ATAD3A: variants seen among roughly 807,000 people sequenced by gnomAD.
The protein encoded by ATAD3A is ATPase family AAA domain-containing protein 3A.
In ATAD3A, 46 loss-of-function variants were observed where a neutral mutation model predicts 73.8. That is an observed-to-expected ratio of 0.62 (90% CI 0.49 to 0.80). The LOEUF (loss-of-function observed/expected upper bound fraction) is 0.80, where lower values mean the gene tolerates loss of function less well. ATAD3A is among the 30% of genes least tolerant of loss of function. The probability of loss-of-function intolerance (pLI) is 0.00; values close to 1 mark genes in which losing one functional copy is unlikely to be tolerated. For synonymous variants in ATAD3A, 319 were observed against 350.0 expected, an observed-to-expected ratio of 0.91 and a Z score of 0.99; for missense variants, 705 against 838.0, an observed-to-expected ratio of 0.84 and a Z score of 1.96.
At chr1:1,522,570 G>C (rs554108011) in intron 7 of ATAD3A, among the ~76,000 whole-genome samples, 174 bp from the exon 8 acceptor site, 2 of 152,346 alleles carry the variant, frequency 1.3e-5, no homozygotes, top group East Asian at 3.9e-4. Flanking sequence ...CCTGCCTCCT[G>C]TAACCGCGTG....
At chr1:1,513,250 C>T (rs991844438) in intron 1 of ATAD3A, among the ~76,000 whole-genome samples, 1 of 152,044 alleles carries the variant, frequency 6.6e-6, no homozygotes, top group Admixed American at 6.6e-5. Context: ...TTTCTTGCTG[C>T]AGGCTTATTT....
At position 1,520,026 on chromosome 1, in the gene ATAD3A, G is replaced by A; in HGVS notation, c.515-115G>A. The A allele has an allele frequency of 6.8e-7, 1 of 1,475,106 alleles. No homozygotes were observed. The highest frequency in any genetic ancestry group is 9.1e-7 in the Non-Finnish European group (1 of 1,101,638). 91.4% of individuals were successfully genotyped at this position (1,475,106 alleles called of 1,614,324 possible). A position where few individuals can be genotyped will look rare whatever the true frequency, so the allele number is the denominator to read the frequency against. ...CGGTCCGTGGCATGGGCCTGTCTGT[G>A]GCGTTGGTCTGTCCGTGGCGTGGGC... On this transcript the variant is annotated intron_variant, in intron 5 of 15. Coordinates refer to ENST00000378756, the MANE Select transcript of ATAD3A (RefSeq NM_001170535.3). This position sits in a 1 kb window ranked among gnomAD's most constrained non-coding sequence, Gnocchi z 4.0.
intron 4 of ATAD3A, among the ~76,000 whole-genome samples, chr1:1,518,150 C>T (rs965413044): frequency 2.0e-5 from 3 of 150,472 alleles, no homozygotes; most frequent in Non-Finnish European, 3.0e-5. Context: ...CGCAAACATA[C>T]CCCCACACAA....
At chr1:1,526,337 G>C (rs1235220231) in intron 12 of ATAD3A, 124 bp from the exon 13 acceptor site, 42 of 1,553,876 alleles carry the variant, frequency 2.7e-5, no homozygotes, top group Middle Eastern at 2.2e-4. Context: ...GCTTTTGAGA[G>C]TAGATCCATG....
In ATAD3A at chr1:1,520,009, G is replaced by A; in HGVS notation, c.515-132G>A. The A allele has an allele frequency of 7.3e-7, 1 of 1,365,732 alleles. No homozygotes were observed. 84.6% of individuals were successfully genotyped at this position (1,365,732 alleles called of 1,614,324 possible). A position where few individuals can be genotyped will look rare whatever the true frequency, so the allele number is the denominator to read the frequency against. On this transcript the variant is annotated intron_variant, in intron 5 of 15. Transcript: ENST00000378756. This position sits in a 1 kb window ranked among gnomAD's most constrained non-coding sequence, Gnocchi z 4.0. ...CTGTCCATGGCGTGGGCCGGTCCGT[G>A]GCATGGGCCTGTCTGTGGCGTTGGT...
rs572217990 is a variant in ATAD3A at position 1,515,257 on chromosome 1, A to T, written c.206-755A>T. 5.4e-3 allele frequency among the ~76,000 whole-genome samples: 822 copies of T among 152,150 alleles called. 9 individuals carry two copies. Among genetic ancestry groups the T allele is most frequent in the Non-Finnish European group, 8.1e-3 (549 of 67,996 alleles). On this transcript the variant is annotated intron_variant, in intron 1 of 15. Transcript: ENST00000378756. ...GCGCCCAGCTAATTTTTGTATATTTAGTAGAGATGGGGTTTCACCACATTG... is the reference window on the plus strand; with the variant it reads ...GCGCCCAGCTAATTTTTGTATATTTTGTAGAGATGGGGTTTCACCACATTG...
intron 15 of ATAD3A, among the ~76,000 whole-genome samples, chr1:1,533,279 C>T (rs983322351): frequency 3.3e-5 from 5 of 152,210 alleles, no homozygotes; most frequent in Admixed American, 6.5e-5. Flanking sequence ...CCCTGACCCA[C>T]GGGTGCCTCC....
In ATAD3A at chr1:1,525,300, C is replaced by T. The variant is rs2100671525; in HGVS notation, c.1266+9C>T. 6.2e-7 allele frequency: 1 copy of T among 1,612,538 alleles called. No homozygotes were observed. Among genetic ancestry groups the T allele is most frequent in the South Asian group, 1.1e-5 (1 of 91,062 alleles). On this transcript the variant is annotated intron_variant, in intron 12 of 15. Coordinates refer to ENST00000378756, the MANE Select transcript of ATAD3A (RefSeq NM_001170535.3). ...TTCGGAAGCGAGCCACCGTGAGTGT[C>T]ACTAAGCCTCTGGCCACAATGGGGT...
In ATAD3A at chr1:1,520,814, C is replaced by A. The variant is rs938359757; in HGVS notation, c.750+197C>A. ...GGGAGAAGAAAACGCAGTTGCCAGC[C>A]TGGGCCACACAGTGAGACCCCATCT... On this transcript the variant is annotated intron_variant, in intron 7 of 15. Coordinates refer to ENST00000378756, the MANE Select transcript of ATAD3A (RefSeq NM_001170535.3). The surrounding 1 kb of genome is among the most constrained non-coding windows in gnomAD (Gnocchi z 4.0). 2.0e-5 allele frequency among the ~76,000 whole-genome samples: 3 copies of A among 152,194 alleles called. No homozygotes were observed. The highest frequency in any genetic ancestry group is 2.4e-5 in the African/African-American group (1 of 41,450).
intron 7 of ATAD3A, among the ~76,000 whole-genome samples, chr1:1,521,962 T>C (rs1352363394): frequency 2.6e-5 from 4 of 152,192 alleles, no homozygotes; most frequent in East Asian, 1.9e-4. Context: ...CTTCTGACCT[T>C]AAGTGATCCA....
rs577672814 is a variant in ATAD3A, at chr1:1,534,078, C to G, written c.*6C>G. The G allele has an allele frequency of 6.2e-7, 1 of 1,613,324 alleles. No homozygotes were observed. Among genetic ancestry groups the G allele is most frequent in the South Asian group, 1.1e-5 (1 of 91,064 alleles). ...ACGAGCCCTCCCCATCCTGAGTCCA[C>G]AGGGAGATCCACAGCTCACGGAGCC... is the stretch of plus-strand genomic sequence containing the variant. On this transcript the variant is annotated 3_prime_UTR_variant, in exon 16 of 16. Coordinates refer to ENST00000378756, the MANE Select transcript of ATAD3A (RefSeq NM_001170535.3).
At chr1:1,513,562 A>G (rs1570315498) in intron 1 of ATAD3A, among the ~76,000 whole-genome samples, 4 of 152,094 alleles carry the variant, frequency 2.6e-5, no homozygotes, top group African/African-American at 9.6e-5. Flanking sequence ...CTCCAGGTGC[A>G]CCGTGGGGAG....
Position 1,523,797 on chromosome 1 carries a change from G to T in ATAD3A, c.964-42G>T. ...CAGCCCCTTCCCCTGAGGCTTCCAT[G>T]GGTGCACAGTGTCTCCTCCAAACCC... On this transcript the variant is annotated intron_variant, in intron 9 of 15. Coordinates refer to ENST00000378756, the MANE Select transcript of ATAD3A (RefSeq NM_001170535.3). The surrounding 1 kb of genome is among the most constrained non-coding windows in gnomAD (Gnocchi z 5.1). The T allele has an allele frequency of 6.2e-7, 1 of 1,613,236 alleles. No individual in the cohort carries two copies. Among genetic ancestry groups the T allele is most frequent in the Non-Finnish European group, 8.5e-7 (1 of 1,179,748 alleles).
At chr1:1,530,626 G>A (rs1247727195) in intron 15 of ATAD3A, among the ~76,000 whole-genome samples, 7 of 124,808 alleles carry the variant, frequency 5.6e-5, no homozygotes, top group Admixed American at 1.5e-4. Flanking sequence ...TCAGGAGATC[G>A]AGACCATCCC....
chr1:1,523,330 C>T lies in ATAD3A; in HGVS notation c.907-181C>T, dbSNP rs1458277852. ...AGCCAATAAGGAACCGGAAAATGCC[C>T]CTAATCCCAGCAATAGCCGCCTGGT... is the stretch of plus-strand genomic sequence containing the variant. On this transcript the variant is annotated intron_variant, in intron 8 of 15. Coordinates refer to ENST00000378756, the MANE Select transcript of ATAD3A (RefSeq NM_001170535.3). The surrounding 1 kb of genome is among the most constrained non-coding windows in gnomAD (Gnocchi z 5.1). Among the ~76,000 whole-genome samples, 2 of 152,174 alleles carry T rather than the reference C, an allele frequency of 1.3e-5. No individual in the cohort carries two copies. Among genetic ancestry groups the T allele is most frequent in the East Asian group, 3.9e-4 (2 of 5,188 alleles).
At chr1:1,529,424 G>A (rs1295244120) in intron 15 of ATAD3A, 93 bp downstream of exon 15, 26 of 1,494,074 alleles carry the variant, frequency 1.7e-5, no homozygotes, top group Admixed American at 1.1e-4. Flanking sequence ...CCGGTGTCAC[G>A]CGGGAGCTTC....
At position 1,523,300 on chromosome 1, in the gene ATAD3A, A is replaced by C. The variant is rs1319913365; in HGVS notation, c.907-211A>C. Among the ~76,000 whole-genome samples, 1 of 152,168 alleles carries C rather than the reference A, an allele frequency of 6.6e-6. No individual in the cohort carries two copies. The highest frequency in any genetic ancestry group is 1.5e-5 in the Non-Finnish European group (1 of 68,030). ...GGTCACTGGGTAGGTGGTTAAGAAA[A>C]TAAAAGCCAATAAGGAACCGGAAAA... is the stretch of plus-strand genomic sequence containing the variant. On this transcript the variant is annotated intron_variant, in intron 8 of 15. Coordinates refer to ENST00000378756, the MANE Select transcript of ATAD3A (RefSeq NM_001170535.3). This position sits in a 1 kb window ranked among gnomAD's most constrained non-coding sequence, Gnocchi z 5.1.
intron 2 of ATAD3A, among the ~76,000 whole-genome samples, chr1:1,516,579 A>G (rs1641366927): frequency 6.6e-6 from 1 of 151,794 alleles, no homozygotes; most frequent in Admixed American, 6.6e-5. Flanking sequence ...CACCTGGCTA[A>G]TTTTTATATT....
Position 1,523,471 on chromosome 1 carries a change from G to T in ATAD3A, c.907-40G>T. ...GCGTTGGTGGCTGTTCCGTGGCTGT[G>T]GCAGGTGACCCGATGGCGCTTCCCC... is the stretch of plus-strand genomic sequence containing the variant. On this transcript the variant is annotated intron_variant, in intron 8 of 15. Transcript: ENST00000378756. This position sits in a 1 kb window ranked among gnomAD's most constrained non-coding sequence, Gnocchi z 5.1. 1 of 1,603,674 alleles carries T rather than the reference G, an allele frequency of 6.2e-7. No individual in the cohort carries two copies. Among genetic ancestry groups the T allele is most frequent in the Non-Finnish European group, 8.5e-7 (1 of 1,175,596 alleles).
Sources: allele counts gnomAD v4.1 joint callset (sites outside exome capture counted in the v4.1 genomes callset), GRCh38; gene constraint gnomAD v4.1.1; non-coding constraint Gnocchi (gnomAD v3.1); transcripts MANE v1.5; gene names NCBI Gene and HGNC (gene_info 2026-07-23, HGNC 2026-07-21).